The following KCNQ5 variants were observed in gnomAD, a reference collection of about 807,000 sequenced individuals.
KCNQ5 encodes the protein potassium voltage-gated channel subfamily Q member 5, also known as potassium voltage-gated channel subfamily KQT member 5.
A neutral mutation model predicts 98.2 loss-of-function variants in KCNQ5; 30 were observed. The ratio of observed to expected loss-of-function variants is 0.31; its 90% CI spans 0.23 to 0.41. KCNQ5 has a LOEUF of 0.41. KCNQ5 is among the 10% of genes least tolerant of loss of function. The probability of loss-of-function intolerance (pLI) is 1.00; values close to 1 mark genes in which losing one functional copy is unlikely to be tolerated. For synonymous variants in KCNQ5, 458 were observed against 449.4 expected (o/e 1.02, Z -0.24); for missense variants, 835 against 1,182.5 (o/e 0.71, Z 4.31).
intron 1 of KCNQ5, among the ~76,000 whole-genome samples, chr6:72,666,177 GTAAAGT>G (rs1766801910): frequency 6.6e-6 from 1 of 151,720 alleles, no homozygotes; most frequent in South Asian, 2.1e-4. Context: ...ACATTAAAAG[GTAAAGT>G]TAAATATCAT....
At chr6:72,987,961 G>C (rs1251168026) in intron 1 of KCNQ5, among the ~76,000 whole-genome samples, 1 of 152,208 alleles carries the variant, frequency 6.6e-6, no homozygotes, top group Non-Finnish European at 1.5e-5. Context: ...CCATCTGACA[G>C]TTGGCTCACA....
intron 1 of KCNQ5, among the ~76,000 whole-genome samples, chr6:72,818,614 T>C (rs922783436): frequency 1.7e-4 from 26 of 151,750 alleles, no homozygotes; most frequent in African/African-American, 6.0e-4. Context: ...GATTTATCTT[T>C]TACAGAAGTA....
rs577401753 is a variant in KCNQ5, at chr6:72,898,378, C to A, written c.399-105530C>A. On this transcript the variant is annotated intron_variant, in intron 1 of 13. Transcript: ENST00000370398. Reference sequence around the variant, plus strand: ...GTGTGTTGTTCCCCTCTCTGTGTCCCTGTGTTCTCATTGTTCAACTCCCAC... The same window carrying A: ...GTGTGTTGTTCCCCTCTCTGTGTCCATGTGTTCTCATTGTTCAACTCCCAC... Among the ~76,000 whole-genome samples, 3 of 152,272 alleles carry A rather than the reference C, an allele frequency of 2.0e-5. No individual in the cohort carries two copies. The South Asian group carries it at 6.2e-4, about 32-fold the overall frequency.
intron 11 of KCNQ5, among the ~76,000 whole-genome samples, chr6:73,186,725 T>G (rs571887453): frequency 3.9e-4 from 59 of 152,360 alleles, no homozygotes; most frequent in Non-Finnish European, 6.8e-4. Context: ...TTATTTTTAA[T>G]ATAATGTACT....
At chr6:72,690,638 T>C (rs775326767) in intron 1 of KCNQ5, among the ~76,000 whole-genome samples, 3 of 151,980 alleles carry the variant, frequency 2.0e-5, no homozygotes, top group Non-Finnish European at 4.4e-5. Context: ...AGGCTGCTGC[T>C]GCTGTCAACA....
chr6:72,869,475 T>C (rs973910833), intron 1 of KCNQ5, among the ~76,000 whole-genome samples: 8 of 152,216 alleles, frequency 5.3e-5, no homozygotes, highest in Non-Finnish European at 1.0e-4. Flanking sequence ...TAGTAATAGA[T>C]GGACTTTTTT....
chr6:73,057,151 A>T (rs550565334), intron 3 of KCNQ5, among the ~76,000 whole-genome samples: 1 of 152,314 alleles, frequency 6.6e-6, no homozygotes, highest in Non-Finnish European at 1.5e-5. Flanking sequence ...TGCAGCCATA[A>T]AAAAGGATGA....
intron 6 of KCNQ5, among the ~76,000 whole-genome samples, chr6:73,107,856 C>A (rs1278710019): frequency 1.3e-5 from 2 of 152,154 alleles, no homozygotes; most frequent in Non-Finnish European, 2.9e-5. Context: ...TTTACTGAAA[C>A]TTCACAATAT....
chr6:73,195,316 G>T lies in KCNQ5; in HGVS notation c.2701G>T (p.Asp901Tyr). ...QPAREAAFAS[D>Y]SLRTGRSRSS... The stretch of plus-strand genomic sequence containing the variant: ...TGCCAGGGAAGCTGCCTTTGCATCA[G>T]ACTCTCTAAGGACTGGAAGGTCACG... The change falls in exon 14 of 14, where the codon GAC (aspartate) becomes TAC (tyrosine). Residue 901 changes from aspartate to tyrosine, a missense_variant. Coordinates refer to ENST00000370398, the MANE Select transcript of KCNQ5 (RefSeq NM_019842.4). 6.2e-7 allele frequency: 1 copy of T among 1,614,228 alleles called. No homozygotes were observed. The highest frequency in any genetic ancestry group is 1.1e-5 in the South Asian group (1 of 91,082).
intron 1 of KCNQ5, among the ~76,000 whole-genome samples, chr6:72,941,503 T>TCC (rs1766273919): frequency 7.1e-5 from 5 of 70,242 alleles, no homozygotes; most frequent in African/African-American, 2.1e-4. Flanking sequence ...TTCCTTCCTT[T>TCC]TTCTCTCCCT....
Position 73,195,339 on chromosome 6 carries a change from A to C in KCNQ5, c.2724A>C (p.Ser908=), listed in dbSNP as rs763992700. 2.7e-5 allele frequency: 44 copies of C among 1,614,108 alleles called. No homozygotes were observed. ...FASDSLRTGR[S]RSSQSICKAG... is the part of the protein sequence containing the mutation. ...CAGACTCTCTAAGGACTGGAAGGTCACGATCATCTCAGAGCATTTGTAAGG... is the reference window on the plus strand; with the variant it reads ...CAGACTCTCTAAGGACTGGAAGGTCCCGATCATCTCAGAGCATTTGTAAGG... The change falls in exon 14 of 14, where the codon TCA becomes TCC. Residue 908 remains serine, a synonymous_variant. Coordinates refer to ENST00000370398, the MANE Select transcript of KCNQ5 (RefSeq NM_019842.4).
chr6:72,848,603 CAAAGAAAA>C (rs1333779075), intron 1 of KCNQ5, among the ~76,000 whole-genome samples: 3 of 152,194 alleles, frequency 2.0e-5, no homozygotes, highest in African/African-American at 7.2e-5. Flanking sequence ...CTATCTAACC[CAAAGAAAA>C]ATGACAGACA....
At chr6:72,879,577 A>G (rs781291007) in intron 1 of KCNQ5, among the ~76,000 whole-genome samples, 3 of 152,150 alleles carry the variant, frequency 2.0e-5, no homozygotes, top group Non-Finnish European at 4.4e-5. Flanking sequence ...CTTTTATTGT[A>G]GAGACGTATG....
intron 1 of KCNQ5, among the ~76,000 whole-genome samples, chr6:72,864,010 C>A (rs1383457690): frequency 6.6e-6 from 1 of 152,168 alleles, no homozygotes; most frequent in Non-Finnish European, 1.5e-5. Context: ...ATTGGCATTG[C>A]AGAGGGATTG....
At chr6:72,813,625 G>A (rs967400631) in intron 1 of KCNQ5, among the ~76,000 whole-genome samples, 4 of 152,118 alleles carry the variant, frequency 2.6e-5, no homozygotes, top group Non-Finnish European at 5.9e-5. Context: ...ATTGATTCCA[G>A]GACCCCAGGG....
At chr6:72,865,241 A>G (rs1296251380) in intron 1 of KCNQ5, among the ~76,000 whole-genome samples, 1 of 152,206 alleles carries the variant, frequency 6.6e-6, no homozygotes, top group Non-Finnish European at 1.5e-5. Context: ...ACACTCTTGC[A>G]TTATCACTCT....
At chr6:73,160,690 C>T (rs936991467) in intron 10 of KCNQ5, among the ~76,000 whole-genome samples, 14 of 152,140 alleles carry the variant, frequency 9.2e-5, no homozygotes, top group African/African-American at 3.1e-4. Flanking sequence ...CACAGGATGG[C>T]GGATTAGCCA....
intron 1 of KCNQ5, among the ~76,000 whole-genome samples, chr6:72,723,923 A>G (rs1016814446): frequency 7.2e-5 from 11 of 152,202 alleles, no homozygotes; most frequent in Non-Finnish European, 1.3e-4. Flanking sequence ...TTCATGAGCT[A>G]CTATGCTAAA....
intron 1 of KCNQ5, among the ~76,000 whole-genome samples, chr6:72,886,631 A>G (rs1483839782): frequency 6.6e-6 from 1 of 152,184 alleles, no homozygotes; most frequent in African/African-American, 2.4e-5. Context: ...CATACACACT[A>G]TAGACAAACT....
Sources: gnomAD v4.1 joint callset for allele counts (sites outside exome capture counted in the v4.1 genomes callset) on GRCh38, gnomAD v4.1.1 for gene constraint, MANE v1.5 for transcripts, NCBI Gene and HGNC (gene_info 2026-07-23, HGNC 2026-07-21) for gene names.